Variants in PRDM16 observed in about 807,000 individuals in gnomAD.
PRDM16 encodes the protein histone-lysine N-methyltransferase PRDM16.
In PRDM16, 23 loss-of-function variants were observed where a neutral mutation model predicts 110.6. That is an observed-to-expected ratio of 0.21 (90% CI 0.15 to 0.29). The LOEUF is 0.29. Ranked by LOEUF, PRDM16 falls within the 10% of genes least tolerant of loss-of-function variation. The pLI, the probability that PRDM16 is intolerant of heterozygous loss-of-function variation, is 1.00. For missense variants in PRDM16, 1,615 were observed against 1,794.3 expected, an observed-to-expected ratio of 0.90 and a Z score of 1.81; for synonymous variants, 799 against 781.8, an observed-to-expected ratio of 1.02 and a Z score of -0.37.
chr1:3,231,029 T>C (rs74048388), intron 2 of PRDM16, among the ~76,000 whole-genome samples: 4,650 of 152,182 alleles, frequency 0.031, 179 homozygotes, highest in African/African-American at 0.095. Flanking sequence ...AGGACATGAG[T>C]GCCCTCTTAT....
intron 1 of PRDM16, among the ~76,000 whole-genome samples, chr1:3,110,992 C>T (rs945138555): frequency 1.3e-5 from 2 of 152,208 alleles, no homozygotes; most frequent in Non-Finnish European, 2.9e-5. Context: ...CCATTGCCAG[C>T]CTAGCTTCGT....
At chr1:3,380,256 C>A (rs1016938833) in intron 3 of PRDM16, among the ~76,000 whole-genome samples, 1 of 151,820 alleles carries the variant, frequency 6.6e-6, no homozygotes, top group Non-Finnish European at 1.5e-5. Context: ...ACCTGGCCCC[C>A]CTCAGAGGTG....
Position 3,157,113 on chromosome 1 carries a change from G to T in PRDM16, c.38-29012G>T, listed in dbSNP as rs1440938774. 6.6e-6 allele frequency among the ~76,000 whole-genome samples: 1 copy of T among 152,226 alleles called. No individual in the cohort carries two copies. Among genetic ancestry groups the T allele is most frequent in the Admixed American group, 6.5e-5 (1 of 15,292 alleles). ...CCAGTCGCCCAGATGGTGGTCCCAG[G>T]GCAGGGAGTGTTAGCACCTGCCGGG... On this transcript the variant is annotated intron_variant, in intron 1 of 16. Transcript: ENST00000270722. This position sits in a 1 kb window ranked among gnomAD's most constrained non-coding sequence, Gnocchi z 4.8.
chr1:3,273,092 CAG>C (rs1249055514), intron 3 of PRDM16, among the ~76,000 whole-genome samples: 1 of 152,178 alleles, frequency 6.6e-6, no homozygotes, highest in African/African-American at 2.4e-5. Flanking sequence ...GTGCAGAAAG[CAG>C]AGAGAGGAAG....
intron 2 of PRDM16, among the ~76,000 whole-genome samples, chr1:3,240,263 A>G (rs1359684436): frequency 6.6e-6 from 1 of 151,870 alleles, no homozygotes; most frequent in African/African-American, 2.4e-5. Flanking sequence ...AAAAAATAAA[A>G]CAAATTAGCC....
rs1569594809 is a variant in PRDM16, at chr1:3,371,596, C to T, written c.439-13556C>T. On this transcript the variant is annotated intron_variant, in intron 3 of 16. Coordinates refer to ENST00000270722, the MANE Select transcript of PRDM16 (RefSeq NM_022114.4). ...TCACCCATCCTTCCATTCATCCATC[C>T]ATCCATCCATTCATGGAAACATTCA... Among the ~76,000 whole-genome samples, 7 of 152,370 alleles carry T rather than the reference C, an allele frequency of 4.6e-5. No homozygotes were observed. In the South Asian group the frequency reaches 1.4e-3, roughly 32 times the overall value.
At chr1:3,293,025 A>C (rs1202533145) in intron 3 of PRDM16, among the ~76,000 whole-genome samples, 1 of 152,178 alleles carries the variant, frequency 6.6e-6, no homozygotes, top group African/African-American at 2.4e-5. Flanking sequence ...TTCTGCAGTT[A>C]ATTACTAGGA....
Position 3,295,111 on chromosome 1 carries a change from G to A in PRDM16, c.438+50974G>A, listed in dbSNP as rs149839096. ...TTAAAAGCCACCTCTGCCTCCCAGG[G>A]CACCCAGGTTGTGGCCAGCCCGTCT... is the stretch of plus-strand genomic sequence containing the variant. On this transcript the variant is annotated intron_variant, in intron 3 of 16. Transcript: ENST00000270722. Among the ~76,000 whole-genome samples, 26 of 152,304 alleles carry A rather than the reference G, an allele frequency of 1.7e-4. No individual in the cohort carries two copies. In the East Asian group the frequency reaches 5.0e-3, roughly 29 times the overall value.
At chr1:3,233,526 G>A (rs757167365) in intron 2 of PRDM16, among the ~76,000 whole-genome samples, 5 of 152,196 alleles carry the variant, frequency 3.3e-5, no homozygotes, top group Admixed American at 6.5e-5. Flanking sequence ...ACAGACACTG[G>A]CCTTTGGAAG....
At chr1:3,259,309 G>A (rs888562178) in intron 3 of PRDM16, among the ~76,000 whole-genome samples, 3 of 152,298 alleles carry the variant, frequency 2.0e-5, no homozygotes, top group East Asian at 3.9e-4. Flanking sequence ...GGGAGACATC[G>A]CCTGGGCCTC....
chr1:3,430,024 G>A (rs1638724801), intron 14 of PRDM16, among the ~76,000 whole-genome samples: 1 of 152,186 alleles, frequency 6.6e-6, no homozygotes, highest in South Asian at 2.1e-4. Context: ...CTCTGGGCAT[G>A]GGCAGTCCAG....
chr1:3,299,538 G>A (rs1641165657), intron 3 of PRDM16, among the ~76,000 whole-genome samples: 1 of 124,572 alleles, frequency 8.0e-6, no homozygotes, highest in Non-Finnish European at 1.7e-5. Flanking sequence ...ATGCTATGCT[G>A]TGGCCGTGAT....
At chr1:3,330,919 C>T (rs1642028876) in intron 3 of PRDM16, among the ~76,000 whole-genome samples, 1 of 152,268 alleles carries the variant, frequency 6.6e-6, no homozygotes, top group Non-Finnish European at 1.5e-5. Flanking sequence ...ATCGGAGCCA[C>T]CTGGAGTGTG....
At chr1:3,241,898 G>A (rs559113903) in intron 2 of PRDM16, among the ~76,000 whole-genome samples, 1 of 152,342 alleles carries the variant, frequency 6.6e-6, no homozygotes, top group Non-Finnish European at 1.5e-5. Context: ...GCCCAGGGTG[G>A]CATCGGTGGG....
rs1011285649 is a variant in PRDM16 at position 3,436,070 on chromosome 1, A to C, written c.*2259A>C. On this transcript the variant is annotated 3_prime_UTR_variant, in exon 17 of 17. Coordinates refer to ENST00000270722, the MANE Select transcript of PRDM16 (RefSeq NM_022114.4). ...ATCCCCTGGGTCAGACCCACCAGGT[A>C]CCCCGTAGGAATTTCCAGTTTCCCT... 1.3e-4 allele frequency: 30 copies of C among 230,588 alleles called. No individual in the cohort carries two copies. The highest frequency in any genetic ancestry group is 6.6e-4 in the African/African-American group (30 of 45,166). 14.3% of individuals were successfully genotyped at this position (230,588 alleles called of 1,614,324 possible). A position where few individuals can be genotyped will look rare whatever the true frequency, so the allele number is the denominator to read the frequency against.
rs1470499006 is a variant in PRDM16, at chr1:3,243,336, G to C, written c.388-751G>C. ...ACATCCCCCTCCCAGGGATCTGGAT[G>C]GGAGTGAAGAGCCAGTTAAAACACT... is the stretch of plus-strand genomic sequence containing the variant. On this transcript the variant is annotated intron_variant, in intron 2 of 16. Coordinates refer to ENST00000270722, the MANE Select transcript of PRDM16 (RefSeq NM_022114.4). This position sits in a 1 kb window ranked among gnomAD's most constrained non-coding sequence, Gnocchi z 5.5. Among the ~76,000 whole-genome samples the C allele has an allele frequency of 6.6e-6, 1 of 151,882 alleles. No individual in the cohort carries two copies. Among genetic ancestry groups the C allele is most frequent in the African/African-American group, 2.4e-5 (1 of 41,324 alleles).
At chr1:3,303,214 G>T (rs142394195) in intron 3 of PRDM16, among the ~76,000 whole-genome samples, 1 of 150,688 alleles carries the variant, frequency 6.6e-6, no homozygotes, top group Non-Finnish European at 1.5e-5. Context: ...ACCATTAGCA[G>T]CCCCTCCCAG....
chr1:3,360,778 G>A (rs1642697868), intron 3 of PRDM16, among the ~76,000 whole-genome samples: 1 of 152,202 alleles, frequency 6.6e-6, no homozygotes, highest in African/African-American at 2.4e-5. Context: ...CACAGCGCCC[G>A]CAGATGACAA....
At position 3,353,111 on chromosome 1, in the gene PRDM16, G is replaced by A. The variant is rs1450386784; in HGVS notation, c.439-32041G>A. 1.3e-5 allele frequency among the ~76,000 whole-genome samples: 2 copies of A among 152,214 alleles called. No homozygotes were observed. The highest frequency in any genetic ancestry group is 2.4e-5 in the African/African-American group (1 of 41,462). On this transcript the variant is annotated intron_variant, in intron 3 of 16. Coordinates refer to ENST00000270722, the MANE Select transcript of PRDM16 (RefSeq NM_022114.4). This position sits in a 1 kb window ranked among gnomAD's most constrained non-coding sequence, Gnocchi z 5.4. ...CTGCAGCCGCACACCCGAAGAGCTC[G>A]AAAGCTGGCCCCCAGCCCAGACTCC...
Sources: allele counts gnomAD v4.1 joint callset (sites outside exome capture counted in the v4.1 genomes callset), GRCh38; gene constraint gnomAD v4.1.1; non-coding constraint Gnocchi (gnomAD v3.1); transcripts MANE v1.5; gene names NCBI Gene and HGNC (gene_info 2026-07-23, HGNC 2026-07-21).